The following HSPA12A variants were observed in gnomAD, a reference collection of about 807,000 sequenced individuals.
HSPA12A encodes heat shock 70 kDa protein 12A.
In HSPA12A, 28 loss-of-function variants were observed where a neutral mutation model predicts 69.2. That is an observed-to-expected ratio of 0.40 (90% CI 0.30 to 0.55). HSPA12A has a LOEUF of 0.55. Ranked by LOEUF, HSPA12A falls within the 20% of genes least tolerant of loss-of-function variation. The pLI is 0.38. For synonymous variants in HSPA12A, 345 were observed against 370.5 expected (o/e 0.93, Z 0.79); for missense variants, 686 against 900.7 (o/e 0.76, Z 3.05).
At chr10:116,805,413 G>T (rs1197332308) in intron 2 of HSPA12A, among the ~76,000 whole-genome samples, 46 of 151,914 alleles carry the variant, frequency 3.0e-4, no homozygotes, top group Admixed American at 3.0e-3. Context: ...ATTTTTTACT[G>T]CTGAGAAAAC....
At chr10:116,684,632 C>A (rs1371762378) in intron 6 of HSPA12A, among the ~76,000 whole-genome samples, 3 of 152,112 alleles carry the variant, frequency 2.0e-5, no homozygotes, top group African/African-American at 7.2e-5. Context: ...TATAGTCCCT[C>A]ATTTTCTAGA....
At chr10:116,818,731 T>A (rs1168037329) in intron 2 of HSPA12A, among the ~76,000 whole-genome samples, 2 of 152,166 alleles carry the variant, frequency 1.3e-5, no homozygotes, top group Non-Finnish European at 2.9e-5. Flanking sequence ...CTGTCAGAGA[T>A]AAGAAATGTT....
chr10:116,757,050 A>G lies in HSPA12A; in HGVS notation c.92-49765T>C, dbSNP rs1305620579. 2.0e-5 allele frequency among the ~76,000 whole-genome samples: 3 copies of G among 152,330 alleles called. No individual in the cohort carries two copies. The East Asian group carries it at 5.8e-4, about 29-fold the overall frequency. ...ATTATATTCACGTTAAAGGCTAGGA[A>G]ATGGAGGCACAGGAAAGGTTCAATA... is the stretch of plus-strand genomic sequence containing the variant. On this transcript the variant is annotated intron_variant, in intron 2 of 12. Transcript: ENST00000635765.
At chr10:116,808,534 C>G (rs534227947) in intron 2 of HSPA12A, among the ~76,000 whole-genome samples, 30 of 152,204 alleles carry the variant, frequency 2.0e-4, no homozygotes, top group Admixed American at 1.0e-3. Flanking sequence ...ACTGGAGGCC[C>G]TAAGGAGTCC....
intron 1 of HSPA12A, among the ~76,000 whole-genome samples, chr10:116,836,404 T>A (rs1334390866): frequency 6.6e-6 from 1 of 152,214 alleles, no homozygotes; most frequent in Non-Finnish European, 1.5e-5. Context: ...CCTGCAGCAC[T>A]GGCACCTGCT....
intron 2 of HSPA12A, chr10:116,832,657 T>G (rs533242716): frequency 6.6e-6 from 1 of 152,316 alleles, no homozygotes; most frequent in Non-Finnish European, 1.5e-5. Context: ...GTGCTGAAGA[T>G]TCAGAGCTGA....
rs1425682415 is a variant in HSPA12A, at chr10:116,675,101, T to C, written c.1708A>G (p.Lys570Glu). ...ACAGACTGGTCGGCAGAGATGAACTTGTCAAAGACGTCGGTGCACCACCGA... is the reference window on the plus strand; with the variant it reads ...ACAGACTGGTCGGCAGAGATGAACTCGTCAAAGACGTCGGTGCACCACCGA... ...GTRWCTDVFD[K>E]FISADQSVAL... The change falls in exon 12 of 12, where the codon AAG (lysine) becomes GAG (glutamate). Residue 570 changes from lysine to glutamate, a missense_variant. By Grantham distance (56) the Lys-to-Glu change is moderately conservative (BLOSUM62 1). Transcript: ENST00000369209. This position sits in a 1 kb window ranked among gnomAD's most constrained non-coding sequence, Gnocchi z 5.2. The C allele has an allele frequency of 1.2e-6, 2 of 1,613,892 alleles. No homozygotes were observed. Among genetic ancestry groups the C allele is most frequent in the East Asian group, 2.2e-5 (1 of 44,840 alleles).
chr10:116,712,420 C>T (rs1480882364), intron 1 of HSPA12A, among the ~76,000 whole-genome samples: 3 of 152,150 alleles, frequency 2.0e-5, no homozygotes, highest in East Asian at 3.9e-4. Flanking sequence ...TCTTACAACC[C>T]CAAACCAGGC....
chr10:116,707,341 A>AGGGAGGAGCT, intron 1 of HSPA12A, 56 bp from the exon 2 acceptor site: 1 of 1,367,196 alleles, frequency 7.3e-7, no homozygotes, highest in Non-Finnish European at 1.0e-6. Flanking sequence ...ACCCAGGGGG[A>AGGGAGGAGCT]AGAAATGAGG....
At chr10:116,721,220 C>G (rs1173525602) in intron 1 of HSPA12A, among the ~76,000 whole-genome samples, 1 of 152,142 alleles carries the variant, frequency 6.6e-6, no homozygotes, top group African/African-American at 2.4e-5. Context: ...ATCTTGAAAG[C>G]AGTTGAAATT....
At chr10:116,704,623 T>A (rs1409969999) in intron 3 of HSPA12A, among the ~76,000 whole-genome samples, 2 of 151,724 alleles carry the variant, frequency 1.3e-5, no homozygotes, top group African/African-American at 2.4e-5. Flanking sequence ...TAACAAAATT[T>A]AAAAAAAATA....
intron 2 of HSPA12A, among the ~76,000 whole-genome samples, chr10:116,761,222 A>G (rs1159487299): frequency 6.6e-6 from 1 of 152,088 alleles, no homozygotes; most frequent in Non-Finnish European, 1.5e-5. Context: ...GCGGTGGCTC[A>G]TGCCTGTAAT....
chr10:116,744,596 G>C (rs546783863), upstream of HSPA12A, among the ~76,000 whole-genome samples: 2 of 152,336 alleles, frequency 1.3e-5, no homozygotes, highest in African/African-American at 4.8e-5. Context: ...GAACACTTTT[G>C]ATTTGCAGGG....
At chr10:116,747,601 T>C (rs1851677136) in intron 2 of HSPA12A, among the ~76,000 whole-genome samples, 1 of 152,240 alleles carries the variant, frequency 6.6e-6, no homozygotes, top group South Asian at 2.1e-4. Context: ...TTTCATGTTA[T>C]GGAGAAAAAC....
chr10:116,839,131 T>C (rs1483114540), intron 1 of HSPA12A, among the ~76,000 whole-genome samples: 1 of 152,214 alleles, frequency 6.6e-6, no homozygotes, highest in Non-Finnish European at 1.5e-5. Context: ...ACTTTCACAG[T>C]TGGAAAACGA....
chr10:116,727,751 G>GTTT (rs1851016063), intron 1 of HSPA12A, among the ~76,000 whole-genome samples: 1 of 64,594 alleles, frequency 1.5e-5, no homozygotes, highest in Admixed American at 2.4e-4. Flanking sequence ...AATGTAAGTG[G>GTTT]GTTTTTTTTT....
chr10:116,843,177 T>C (rs1382927787), intron 1 of HSPA12A, among the ~76,000 whole-genome samples: 1 of 152,230 alleles, frequency 6.6e-6, no homozygotes, highest in Non-Finnish European at 1.5e-5. Context: ...TTTCTATTTA[T>C]GTGGGAAGCA....
intron 2 of HSPA12A, among the ~76,000 whole-genome samples, chr10:116,771,279 C>T (rs901625135): frequency 7.9e-5 from 12 of 152,192 alleles, no homozygotes; most frequent in African/African-American, 2.7e-4. Context: ...CAAGGACACT[C>T]GCTGGGAGCT....
chr10:116,819,549 T>C (rs960323500), intron 2 of HSPA12A, among the ~76,000 whole-genome samples: 2 of 152,124 alleles, frequency 1.3e-5, no homozygotes, highest in East Asian at 1.9e-4. Context: ...GCACCACCTA[T>C]GAGGAACGAG....
Sources: allele counts gnomAD v4.1 joint callset (sites outside exome capture counted in the v4.1 genomes callset), GRCh38; gene constraint gnomAD v4.1.1; non-coding constraint Gnocchi (gnomAD v3.1); transcripts MANE v1.5; gene names NCBI Gene and HGNC (gene_info 2026-07-23, HGNC 2026-07-21).